The following ATOSA variants were observed in gnomAD, a reference collection of about 807,000 sequenced individuals.
ATOSA encodes the protein atos homolog protein A.
chr15:52,657,411 T>G, the ATOSA span: 1 of 152,210 alleles, frequency 6.6e-6, no homozygotes, highest in Non-Finnish European at 1.5e-5. Context: ...TTTTTAAAAT[T>G]TGCTTATTTG....
At chr15:52,590,005 C>A in the ATOSA span, among the ~76,000 whole-genome samples, 1 of 152,114 alleles carries the variant, frequency 6.6e-6, no homozygotes, top group Non-Finnish European at 1.5e-5. Flanking sequence ...CCAGGCTGGT[C>A]TTGAACTCCT....
At chr15:52,665,453 G>C in the ATOSA span, among the ~76,000 whole-genome samples, 1 of 152,182 alleles carries the variant, frequency 6.6e-6, no homozygotes, top group Non-Finnish European at 1.5e-5. Flanking sequence ...GGAATCATTT[G>C]TGTGAGTTTT....
chr15:52,677,740 T>TA, the ATOSA span, among the ~76,000 whole-genome samples: 1 of 152,222 alleles, frequency 6.6e-6, no homozygotes, highest in Non-Finnish European at 1.5e-5. Context: ...TGGCAACAGA[T>TA]ACAAATACCA....
chr15:52,604,176 CT>C, the ATOSA span, among the ~76,000 whole-genome samples: 2 of 152,206 alleles, frequency 1.3e-5, no homozygotes, highest in Non-Finnish European at 2.9e-5. Context: ...AATCCCAGCA[CT>C]TTGGGAGGCG....
chr15:52,688,147 G>GT, the ATOSA span, among the ~76,000 whole-genome samples: 2 of 152,198 alleles, frequency 1.3e-5, no homozygotes, highest in Non-Finnish European at 2.9e-5. Context: ...GGAATGGTTT[G>GT]TTATGCATCA....
At chr15:52,616,654 G>A in the ATOSA span, among the ~76,000 whole-genome samples, 1 of 152,044 alleles carries the variant, frequency 6.6e-6, no homozygotes, top group Admixed American at 6.5e-5. Context: ...ACCCATCCTG[G>A]GTCAGTCTAT....
chr15:52,606,207 G>A, the ATOSA span, among the ~76,000 whole-genome samples: 4 of 151,998 alleles, frequency 2.6e-5, no homozygotes, highest in Non-Finnish European at 5.9e-5. Flanking sequence ...ATATAATTTG[G>A]TGGAACATGA....
At chr15:52,619,463 T>C in the ATOSA span, among the ~76,000 whole-genome samples, 59 of 152,066 alleles carry the variant, frequency 3.9e-4, 1 homozygote, top group African/African-American at 1.3e-3. Context: ...TGAAAAAGTC[T>C]ACTTTTACAA....
chr15:52,654,158 T>C, the ATOSA span, among the ~76,000 whole-genome samples: 1 of 152,144 alleles, frequency 6.6e-6, no homozygotes, highest in Non-Finnish European at 1.5e-5. Flanking sequence ...ATCTATAATA[T>C]AAATCTATTG....
chr15:52,623,200 A>G, the ATOSA span, among the ~76,000 whole-genome samples: 5 of 151,906 alleles, frequency 3.3e-5, no homozygotes, highest in East Asian at 9.7e-4. Context: ...ACCAGATCAT[A>G]TAGGATTTCG....
At chr15:52,629,134 T>C in the ATOSA span, among the ~76,000 whole-genome samples, 1 of 152,308 alleles carries the variant, frequency 6.6e-6, no homozygotes, top group African/African-American at 2.4e-5. Flanking sequence ...AGTTAAGAGT[T>C]TTTTTGGATT....
At chr15:52,628,727 T>C in the ATOSA span, among the ~76,000 whole-genome samples, 2 of 152,218 alleles carry the variant, frequency 1.3e-5, no homozygotes, top group East Asian at 1.9e-4. Flanking sequence ...GAAATGAATA[T>C]GTCATGTGAT....
the ATOSA span, among the ~76,000 whole-genome samples, chr15:52,697,996 A>G: frequency 1.4e-5 from 1 of 71,458 alleles, no homozygotes; most frequent in African/African-American, 5.3e-5. Context: ...TTTTTTTGTG[A>G]GACAGAGTCT....
the ATOSA span, among the ~76,000 whole-genome samples, chr15:52,655,420 G>T: frequency 6.6e-6 from 1 of 152,024 alleles, no homozygotes; most frequent in Non-Finnish European, 1.5e-5. Context: ...AACGATAAAA[G>T]GTTCAATCTG....
the ATOSA span, among the ~76,000 whole-genome samples, chr15:52,705,127 G>A: frequency 1.3e-5 from 2 of 152,214 alleles, no homozygotes; most frequent in East Asian, 3.9e-4. Context: ...ATAATAGACT[G>A]GATAAAGAAA....
the ATOSA span, chr15:52,648,879 T>C: frequency 2.6e-4 from 39 of 152,074 alleles, no homozygotes; most frequent in African/African-American, 8.7e-4. Flanking sequence ...TCTCTTCAAG[T>C]CCTATGATGT....
the ATOSA span, among the ~76,000 whole-genome samples, chr15:52,610,619 A>G: frequency 6.6e-6 from 1 of 152,242 alleles, no homozygotes; most frequent in African/African-American, 2.4e-5. Flanking sequence ...TCACTTAAGC[A>G]TTAAAGCTCA....
chr15:52,671,624 C>T, the ATOSA span, among the ~76,000 whole-genome samples: 1 of 152,036 alleles, frequency 6.6e-6, no homozygotes, highest in African/African-American at 2.4e-5. Flanking sequence ...GAAGGAAATA[C>T]AGGCTGCTCA....
chr15:52,583,909 T>C, the ATOSA span, among the ~76,000 whole-genome samples: 135 of 152,082 alleles, frequency 8.9e-4, no homozygotes, highest in Non-Finnish European at 1.8e-3. Flanking sequence ...CGGACTTTCA[T>C]GTATGGGACT....
Sources: allele counts gnomAD v4.1 joint callset (sites outside exome capture counted in the v4.1 genomes callset), GRCh38; gene constraint gnomAD v4.1.1; transcripts MANE v1.5; gene names NCBI Gene and HGNC (gene_info 2026-07-23, HGNC 2026-07-21).